Variants in DNAH2 observed in about 807,000 individuals in gnomAD.
The protein encoded by DNAH2 is dynein axonemal heavy chain 2, also known as axonemal beta dynein heavy chain 2.
DNAH2 carries 323 observed loss-of-function variants against 523.5 expected under a neutral mutation model. That is an observed-to-expected ratio of 0.62 (90% CI 0.56 to 0.68). DNAH2 has a LOEUF of 0.68. Among genes scored for constraint, DNAH2 ranks in the 30% least tolerant of loss-of-function variants. DNAH2 has a pLI of 0.00. For synonymous variants in DNAH2, 2,093 were observed against 2,177.4 expected, an observed-to-expected ratio of 0.96 and a Z score of 1.08; for missense variants, 4,907 against 5,701.5, an observed-to-expected ratio of 0.86 and a Z score of 4.49.
In DNAH2 at chr17:7,770,550, T is replaced by TCCACAGGC; in HGVS notation, c.4099-6_4100dup. On this transcript the variant is annotated splice_polypyrimidine_tract_variant and splice_region_variant and intron_variant, in intron 25 of 85. Coordinates refer to ENST00000572933, the MANE Select transcript of DNAH2 (RefSeq NM_020877.5). ...TGACTGCTGTGTCCCCCAATTTCTCTCCACAGGCTTTACAAAACATTGCCA... is the reference window on the plus strand; with the variant it reads ...TGACTGCTGTGTCCCCCAATTTCTCTCCACAGGCCCACAGGCTTTACAAAACATTGCCA... 6.2e-7 allele frequency: 1 copy of TCCACAGGC among 1,614,030 alleles called. No homozygotes were observed. Among genetic ancestry groups the TCCACAGGC allele is most frequent in the Non-Finnish European group, 8.5e-7 (1 of 1,179,996 alleles).
intron 2 of DNAH2, among the ~76,000 whole-genome samples, chr17:7,723,297 G>A (rs1364771927): frequency 2.9e-5 from 3 of 103,568 alleles, no homozygotes; most frequent in African/African-American, 1.2e-4. Context: ...TTTTGAGACA[G>A]GGTCTCACTC....
At position 7,831,631 on chromosome 17, in the gene DNAH2, A is replaced by G. The variant is rs780181232; in HGVS notation, c.12612-30A>G. 6.2e-7 allele frequency: 1 copy of G among 1,613,454 alleles called. No homozygotes were observed. Among genetic ancestry groups the G allele is most frequent in the South Asian group, 1.1e-5 (1 of 91,060 alleles). ...AGAATGACGTTCCCAGGCCCACCTC[A>G]TCTCTAACACTCCACCTCATCCTGC... On this transcript the variant is annotated intron_variant, in intron 81 of 85. Coordinates refer to ENST00000572933, the MANE Select transcript of DNAH2 (RefSeq NM_020877.5). The surrounding 1 kb of genome is among the most constrained non-coding windows in gnomAD (Gnocchi z 4.2).
chr17:7,753,284 G>T (rs2075740721), intron 12 of DNAH2, among the ~76,000 whole-genome samples: 1 of 152,132 alleles, frequency 6.6e-6, no homozygotes, highest in Admixed American at 6.5e-5. Context: ...AGTTTGAGGT[G>T]CTTGTGCACG....
chr17:7,749,333 A>C (rs1235722289), intron 12 of DNAH2, among the ~76,000 whole-genome samples: 28 of 145,844 alleles, frequency 1.9e-4, no homozygotes, highest in African/African-American at 5.7e-4. Context: ...AAAAAAAAAA[A>C]AAAAAAAAAA....
At chr17:7,781,998 A>T (rs1364895802) in intron 39 of DNAH2, among the ~76,000 whole-genome samples, 1 of 152,188 alleles carries the variant, frequency 6.6e-6, no homozygotes, top group Non-Finnish European at 1.5e-5. Context: ...TAATAATAAC[A>T]TCCTTTTTAA....
intron 3 of DNAH2, among the ~76,000 whole-genome samples, chr17:7,724,512 G>A (rs1272017766): frequency 2.0e-5 from 3 of 151,924 alleles, no homozygotes; most frequent in African/African-American, 7.3e-5. Context: ...CCAGCTACTC[G>A]CCAGGCTGAG....
At chr17:7,769,099 C>T (rs1257062869) in intron 24 of DNAH2, among the ~76,000 whole-genome samples, 1 of 152,202 alleles carries the variant, frequency 6.6e-6, no homozygotes, top group Non-Finnish European at 1.5e-5. Flanking sequence ...CTGACCCCTG[C>T]CCTGGGGCCT....
At chr17:7,791,839 C>T in intron 44 of DNAH2, 78 bp from the exon 45 acceptor site, 1 of 1,422,880 alleles carries the variant, frequency 7.0e-7, no homozygotes. Flanking sequence ...GCTTTCCACA[C>T]TCTGGTGTCA....
Position 7,727,255 on chromosome 17 carries a change from G to A in DNAH2, c.362G>A (p.Cys121Tyr). The change falls in exon 4 of 86, where the codon TGT (cysteine) becomes TAT (tyrosine). Residue 121 changes from cysteine (C) to tyrosine (Y), a missense_variant. Coordinates refer to ENST00000572933, the MANE Select transcript of DNAH2 (RefSeq NM_020877.5). ...ESILTIFIDP[C>Y]FGLKLELGMP... The stretch of plus-strand genomic sequence containing the variant: ...ATCCTCACCATCTTCATTGACCCTT[G>A]TTTTGGGCTGAAGCTAGAGCTGGGC... 1 of 1,611,728 alleles carries A rather than the reference G, an allele frequency of 6.2e-7. No individual in the cohort carries two copies. Among genetic ancestry groups the A allele is most frequent in the South Asian group, 1.1e-5 (1 of 90,594 alleles).
rs757910335 is a variant in DNAH2 at position 7,764,108 on chromosome 17, C to T, written c.3180-9C>T. On this transcript the variant is annotated splice_polypyrimidine_tract_variant and intron_variant, in intron 19 of 85. Coordinates refer to ENST00000572933, the MANE Select transcript of DNAH2 (RefSeq NM_020877.5). ...TCCACTCACTAGCACTCCCTTTGCCCGCCTTCAGAATCAGCCGCCCTCCGC... is the reference window on the plus strand; with the variant it reads ...TCCACTCACTAGCACTCCCTTTGCCTGCCTTCAGAATCAGCCGCCCTCCGC... The T allele has an allele frequency of 1.1e-5, 17 of 1,614,082 alleles. No homozygotes were observed. The highest frequency in any genetic ancestry group is 6.7e-5 in the Admixed American group (4 of 59,988).
chr17:7,815,814 A>G (rs978306901), intron 63 of DNAH2, among the ~76,000 whole-genome samples: 11 of 152,140 alleles, frequency 7.2e-5, no homozygotes, highest in African/African-American at 2.2e-4. Flanking sequence ...TTCAGATTTC[A>G]GTGAATATAT....
intron 42 of DNAH2, 197 bp downstream of exon 42, chr17:7,787,230 T>C: frequency 2.9e-6 from 2 of 694,864 alleles, no homozygotes; most frequent in South Asian, 1.9e-5. Flanking sequence ...AGAACAATGA[T>C]AAGAAAAACA....
Position 7,824,103 on chromosome 17 carries a change from T to A in DNAH2, c.11479-18T>A, listed in dbSNP as rs2077949704. On this transcript the variant is annotated intron_variant, in intron 75 of 85. Coordinates refer to ENST00000572933, the MANE Select transcript of DNAH2 (RefSeq NM_020877.5). The stretch of plus-strand genomic sequence containing the variant: ...TCATGTGGCCTTCTGCCTGATGCTA[T>A]ACCTGTGCTTCTGGCAGGTGCTGGA... 1 of 1,562,904 alleles carries A rather than the reference T, an allele frequency of 6.4e-7. No individual in the cohort carries two copies. The highest frequency in any genetic ancestry group is 1.7e-4 in the Middle Eastern group (1 of 5,824).
chr17:7,767,401 C>T (rs1159902332), intron 22 of DNAH2, among the ~76,000 whole-genome samples: 3 of 152,008 alleles, frequency 2.0e-5, no homozygotes, highest in Non-Finnish European at 2.9e-5. Flanking sequence ...CATGAACACG[C>T]GTGTACTTGT....
At chr17:7,817,519 C>G in intron 65 of DNAH2, 42 bp from the exon 66 acceptor site, 1 of 1,613,740 alleles carries the variant, frequency 6.2e-7, no homozygotes, top group East Asian at 2.2e-5. Context: ...GGCTGCTGGG[C>G]TCAGCTCTTC....
intron 12 of DNAH2, among the ~76,000 whole-genome samples, chr17:7,749,819 A>C (rs2151175500): frequency 6.6e-6 from 1 of 152,008 alleles, no homozygotes. Context: ...ACATGGTGAA[A>C]CCCCGTCTAT....
Position 7,807,261 on chromosome 17 carries a change from T to C in DNAH2, c.9554T>C (p.Ile3185Thr). 1 of 1,613,942 alleles carries C rather than the reference T, an allele frequency of 6.2e-7. No individual in the cohort carries two copies. Among genetic ancestry groups the C allele is most frequent in the Non-Finnish European group, 8.5e-7 (1 of 1,180,018 alleles). ...GCCCAGCCTGACTTCCAGCCTGATA[T>C]CATCGGCCGCGTCTCCCTGGCTGCC... The part of the protein sequence containing the change: ...YCAQPDFQPD[I>T]IGRVSLAAKS... The change falls in exon 62 of 86, where the codon ATC (isoleucine) becomes ACC (threonine). Residue 3185 changes from isoleucine to threonine, a missense_variant. This residue lies in a region of DNAH2 where 1,851 missense variants were observed against 2,139.4 expected (regional missense o/e 0.87). Transcript: ENST00000572933. This position sits in a 1 kb window ranked among gnomAD's most constrained non-coding sequence, Gnocchi z 5.6.
intron 48 of DNAH2, among the ~76,000 whole-genome samples, chr17:7,793,932 AAAAG>A (rs1393216720): frequency 1.3e-5 from 2 of 152,216 alleles, no homozygotes; most frequent in East Asian, 3.8e-4. Context: ...GAAAAAGAGA[AAAAG>A]AAGAAAGAGA....
intron 77 of DNAH2, among the ~76,000 whole-genome samples, chr17:7,826,177 G>A (rs1013227261): frequency 2.0e-5 from 3 of 152,228 alleles, no homozygotes; most frequent in Middle Eastern, 3.4e-3. Flanking sequence ...GCGCCACTAC[G>A]CCCTACTAAT....
Sources: gnomAD v4.1 joint callset for allele counts (sites outside exome capture counted in the v4.1 genomes callset) on GRCh38, gnomAD v4.1.1 for gene constraint, gnomAD v4.1.1 regional missense constraint, Gnocchi (gnomAD v3.1) non-coding constraint, MANE v1.5 for transcripts, NCBI Gene and HGNC (gene_info 2026-07-23, HGNC 2026-07-21) for gene names.